Variants in B4GALT1 observed in about 807,000 individuals in gnomAD.
The protein encoded by B4GALT1 is beta-1,4-galactosyltransferase 1.
B4GALT1 carries 16 observed loss-of-function variants against 34.9 expected under a neutral mutation model. That is an observed-to-expected ratio of 0.46 (90% CI 0.31 to 0.70). The LOEUF (loss-of-function observed/expected upper bound fraction) is 0.70. Ranked by LOEUF, B4GALT1 falls within the 30% of genes least tolerant of loss-of-function variation. B4GALT1 has a pLI of 0.05. For synonymous variants in B4GALT1, 221 were observed against 218.1 expected (o/e 1.01, Z -0.12); for missense variants, 445 against 530.5 (o/e 0.84, Z 1.58).
chr9:33,158,909 C>T (rs1372264934), intron 1 of B4GALT1, among the ~76,000 whole-genome samples: 1 of 152,148 alleles, frequency 6.6e-6, no homozygotes, highest in African/African-American at 2.4e-5. Context: ...GGAAATGAGT[C>T]CCTGTTCATT....
At chr9:33,163,325 G>A (rs1265073953) in intron 1 of B4GALT1, among the ~76,000 whole-genome samples, 1 of 152,204 alleles carries the variant, frequency 6.6e-6, no homozygotes, top group Non-Finnish European at 1.5e-5. Flanking sequence ...TGCTCCTCGG[G>A]TGCCCTGGCT....
intron 1 of B4GALT1, among the ~76,000 whole-genome samples, chr9:33,160,906 G>A (rs947131915): frequency 2.0e-5 from 3 of 152,064 alleles, no homozygotes; most frequent in Admixed American, 6.5e-5. Flanking sequence ...TATTTTCAAT[G>A]AGCCTGCATT....
intron 2 of B4GALT1, among the ~76,000 whole-genome samples, chr9:33,133,925 A>C (rs1344096740): frequency 6.6e-6 from 1 of 152,170 alleles, no homozygotes; most frequent in Non-Finnish European, 1.5e-5. Context: ...TGAGAAGCCC[A>C]TCTCCCTGCA....
At chr9:33,107,768 C>A (rs765288028), downstream of B4GALT1, among the ~76,000 whole-genome samples, 3 of 152,164 alleles carry the variant, frequency 2.0e-5, no homozygotes, top group African/African-American at 7.2e-5. Context: ...TCCTCCCTCC[C>A]TGGTCCCTTG....
At chr9:33,107,849 G>A (rs1839810730), downstream of B4GALT1, among the ~76,000 whole-genome samples, 1 of 152,110 alleles carries the variant, frequency 6.6e-6, no homozygotes, top group Admixed American at 6.5e-5. Context: ...TCACTCAGGT[G>A]GGGAGTGGAA....
chr9:33,139,696 C>A (rs890881064), intron 1 of B4GALT1, among the ~76,000 whole-genome samples: 1 of 152,260 alleles, frequency 6.6e-6, no homozygotes, highest in African/African-American at 2.4e-5. Flanking sequence ...ACGACTACCT[C>A]TGTTCAGAAT....
chr9:33,152,282 C>T (rs768523409), intron 1 of B4GALT1, among the ~76,000 whole-genome samples: 6 of 151,532 alleles, frequency 4.0e-5, no homozygotes, highest in African/African-American at 4.9e-5. Flanking sequence ...CCAGCCTGGG[C>T]GACAGAGCAA....
upstream of B4GALT1, among the ~76,000 whole-genome samples, chr9:33,167,983 G>A (rs942243804): frequency 3.9e-5 from 6 of 152,208 alleles, no homozygotes; most frequent in Non-Finnish European, 8.8e-5. Context: ...GGCTATAAGG[G>A]GCTCTCAGAC....
At chr9:33,152,829 G>A (rs939526619) in intron 1 of B4GALT1, among the ~76,000 whole-genome samples, 5 of 151,920 alleles carry the variant, frequency 3.3e-5, no homozygotes, top group Admixed American at 1.3e-4. Flanking sequence ...AGCCAAGATC[G>A]GACAACTGCA....
At chr9:33,119,914 G>A (rs1030305722) in intron 3 of B4GALT1, among the ~76,000 whole-genome samples, 1 of 152,184 alleles carries the variant, frequency 6.6e-6, no homozygotes, top group Admixed American at 6.5e-5. Flanking sequence ...GCCAGGCATG[G>A]TGCCACATGC....
At chr9:33,125,995 C>G (rs1840087031) in intron 2 of B4GALT1, among the ~76,000 whole-genome samples, 2 of 152,162 alleles carry the variant, frequency 1.3e-5, no homozygotes. Context: ...CCAAGACTCG[C>G]AATGAGTCAG....
At chr9:33,164,441 GC>G (rs1237442149) in intron 1 of B4GALT1, among the ~76,000 whole-genome samples, 1 of 152,108 alleles carries the variant, frequency 6.6e-6, no homozygotes, top group African/African-American at 2.4e-5. Flanking sequence ...AGACCTCTCG[GC>G]CCCCATTTCT....
the B4GALT1 span, among the ~76,000 whole-genome samples, chr9:33,173,416 C>CAAAAAAAAAAAAAACA: frequency 9.9e-6 from 1 of 101,224 alleles, no homozygotes. Context: ...AAAAAAAAAG[C>CAAAAAAAAAAAAAACA]AAAAAAAAAA....
rs192920752 is a variant in B4GALT1 at position 33,139,049 on chromosome 9, C to G, written c.413-3625G>C. 8.5e-5 allele frequency among the ~76,000 whole-genome samples: 13 copies of G among 152,300 alleles called. 1 individual carries two copies. In the South Asian group the frequency reaches 2.5e-3, roughly 29 times the overall value. ...ATGCTGACAACCCACAGAAGCCGAT[C>G]GAGCACCAAGCCAGAGAGTCTTTAC... On this transcript the variant is annotated intron_variant, in intron 1 of 5. Transcript: ENST00000379731.
chr9:33,163,379 CAG>C (rs1840702813), intron 1 of B4GALT1, among the ~76,000 whole-genome samples: 1 of 152,210 alleles, frequency 6.6e-6, no homozygotes, highest in South Asian at 2.1e-4. Context: ...ATCTCTAGAT[CAG>C]AGTCTTCCCT....
the B4GALT1 span, among the ~76,000 whole-genome samples, chr9:33,172,489 C>G: frequency 6.6e-6 from 1 of 152,128 alleles, no homozygotes; most frequent in South Asian, 2.1e-4. Flanking sequence ...TCAGCCAGTT[C>G]TTTTATCTCA....
chr9:33,125,041 T>C (rs1474814934), intron 2 of B4GALT1, among the ~76,000 whole-genome samples: 2 of 152,178 alleles, frequency 1.3e-5, no homozygotes, highest in African/African-American at 2.4e-5. Flanking sequence ...GTTACAGTTA[T>C]CCCTTCCTTC....
chr9:33,104,709 C>T, exon 3 of B4GALT1: 1 of 454,420 alleles, frequency 2.2e-6, no homozygotes, highest in Non-Finnish European at 4.4e-6. Context: ...GACTAACCAC[C>T]ATGCGCTGCC....
At position 33,157,971 on chromosome 9, in the gene B4GALT1, C is replaced by T. The variant is rs533588468; in HGVS notation, c.412+8787G>A. 1.2e-3 allele frequency among the ~76,000 whole-genome samples: 180 copies of T among 152,150 alleles called. 1 individual carries two copies. The highest frequency in any genetic ancestry group is 1.5e-3 in the Non-Finnish European group (104 of 68,022). Reference sequence around the variant, plus strand: ...AATACCACAGTGTGACAGAAAGAAACATTCCTTGTGCCATTTCTACGGGTC... The same window carrying T: ...AATACCACAGTGTGACAGAAAGAAATATTCCTTGTGCCATTTCTACGGGTC... On this transcript the variant is annotated intron_variant, in intron 1 of 5. Transcript: ENST00000379731.
Sources: gnomAD v4.1 joint callset for allele counts (sites outside exome capture counted in the v4.1 genomes callset) on GRCh38, gnomAD v4.1.1 for gene constraint, MANE v1.5 for transcripts, NCBI Gene and HGNC (gene_info 2026-07-23, HGNC 2026-07-21) for gene names.